The following PAXBP1 variants were observed in gnomAD, a reference collection of about 807,000 sequenced individuals.
PAXBP1 encodes PAX3- and PAX7-binding protein 1.
Under a neutral mutation model 119.9 loss-of-function variants are expected in PAXBP1, and 44 were observed. The ratio of observed to expected loss-of-function variants is 0.37; its 90% CI spans 0.29 to 0.47. The LOEUF (loss-of-function observed/expected upper bound fraction) is 0.47. Among genes scored for constraint, PAXBP1 ranks in the 20% least tolerant of loss-of-function variants. The pLI is 0.99. For missense variants in PAXBP1, 898 were observed against 1,134.1 expected (o/e 0.79, Z 2.99); for synonymous variants, 393 against 406.6 (o/e 0.97, Z 0.40).
At chr21:32,749,203 T>C (rs972559150) in intron 10 of PAXBP1, among the ~76,000 whole-genome samples, 21 of 152,072 alleles carry the variant, frequency 1.4e-4, no homozygotes, top group Non-Finnish European at 2.8e-4. Flanking sequence ...AAGATTTTTT[T>C]TTTTTTTTTG....
chr21:32,750,754 C>CA (rs1334628707), intron 10 of PAXBP1, among the ~76,000 whole-genome samples, 163 bp downstream of exon 10: 2 of 152,108 alleles, frequency 1.3e-5, no homozygotes, highest in African/African-American at 4.8e-5. Flanking sequence ...GAGAATTCAT[C>CA]ATGATATTCA....
At chr21:32,763,932 A>G (rs2044194637) in intron 3 of PAXBP1, among the ~76,000 whole-genome samples, 1 of 150,720 alleles carries the variant, frequency 6.6e-6, no homozygotes, top group Non-Finnish European at 1.5e-5. Flanking sequence ...GGGTGCAGTG[A>G]GCTGAGATCG....
chr21:32,737,421 AAG>A lies in PAXBP1; in HGVS notation c.2482-15_2482-14del. On this transcript the variant is annotated splice_polypyrimidine_tract_variant and intron_variant, in intron 16 of 17. Coordinates refer to ENST00000331923, the MANE Select transcript of PAXBP1 (RefSeq NM_016631.4). ...AACAATTGATTACCTGTGGAGAAGA[AAG>A]ACGTAAAATAAAATAGTTAAGACAG... 1 of 1,589,172 alleles carries A rather than the reference AAG, an allele frequency of 6.3e-7. No individual in the cohort carries two copies. The highest frequency in any genetic ancestry group is 8.6e-7 in the Non-Finnish European group (1 of 1,168,478).
intron 11 of PAXBP1, 26 bp from the exon 12 acceptor site, chr21:32,745,744 A>T: frequency 6.2e-7 from 1 of 1,612,210 alleles, no homozygotes; most frequent in South Asian, 1.1e-5. Context: ...AAGGTTACCC[A>T]AATACTAAAA....
chr21:32,751,243 T>C (rs914511225), intron 8 of PAXBP1, 25 bp from the exon 9 acceptor site: 1 of 1,605,098 alleles, frequency 6.2e-7, no homozygotes, highest in African/African-American at 1.3e-5. Context: ...CAGTTAAAAT[T>C]AAAAGCCATC....
At chr21:32,738,459 T>C in intron 15 of PAXBP1, 140 bp from the exon 16 acceptor site, 1 of 672,718 alleles carries the variant, frequency 1.5e-6, no homozygotes, top group Non-Finnish European at 2.4e-6. Context: ...CTTTCAAAGG[T>C]ACAGATATTT....
chr21:32,753,875 C>T (rs191300813), intron 8 of PAXBP1, among the ~76,000 whole-genome samples: 2 of 152,150 alleles, frequency 1.3e-5, no homozygotes, highest in African/African-American at 2.4e-5. Flanking sequence ...ATGAAATGTA[C>T]AGCTCACACA....
At chr21:32,738,748 C>A (rs1359328976) in intron 15 of PAXBP1, among the ~76,000 whole-genome samples, 1 of 152,040 alleles carries the variant, frequency 6.6e-6, no homozygotes, top group Non-Finnish European at 1.5e-5. Flanking sequence ...TGAACTACAA[C>A]CAAGTTATAT....
At chr21:32,770,619 G>T (rs2044322809) in intron 1 of PAXBP1, among the ~76,000 whole-genome samples, 1 of 152,200 alleles carries the variant, frequency 6.6e-6, no homozygotes, top group Admixed American at 6.5e-5. Flanking sequence ...CAAATGGTCA[G>T]AAGAAAAGAT....
At chr21:32,763,994 C>CAAAAAAAA (rs5843566) in intron 3 of PAXBP1, among the ~76,000 whole-genome samples, 4 of 101,724 alleles carry the variant, frequency 3.9e-5, no homozygotes, top group Non-Finnish European at 4.2e-5. Flanking sequence ...CCTCAAAAAG[C>CAAAAAAAA]AAAAAAAAAA....
chr21:32,759,538 A>G, intron 6 of PAXBP1: 1 of 603,104 alleles, frequency 1.7e-6, no homozygotes, highest in Non-Finnish European at 2.9e-6. Flanking sequence ...AAGAGGTACA[A>G]ACTCAGAAAT....
At chr21:32,760,298 C>T (rs908675960) in intron 5 of PAXBP1, among the ~76,000 whole-genome samples, 4 of 152,118 alleles carry the variant, frequency 2.6e-5, no homozygotes, top group Non-Finnish European at 4.4e-5. Flanking sequence ...TGCCCATGGT[C>T]ACAGAATCAA....
At chr21:32,737,576 C>T (rs2043710707) in intron 16 of PAXBP1, 168 bp from the exon 17 acceptor site, 1 of 529,374 alleles carries the variant, frequency 1.9e-6, no homozygotes, top group South Asian at 3.6e-5. Flanking sequence ...CCTACATTAA[C>T]TAAACCAATA....
intron 15 of PAXBP1, among the ~76,000 whole-genome samples, chr21:32,742,037 A>C (rs1444207770): frequency 1.3e-5 from 2 of 152,148 alleles, no homozygotes; most frequent in Non-Finnish European, 2.9e-5. Context: ...CCTATCATGT[A>C]ATTCCCTTCT....
At chr21:32,741,455 A>G (rs1303057089) in intron 15 of PAXBP1, 1 of 680,274 alleles carries the variant, frequency 1.5e-6, no homozygotes, top group Non-Finnish European at 2.7e-6. Context: ...AGGTTTAACG[A>G]AATATGTACA....
At chr21:32,743,432 C>A in intron 14 of PAXBP1, 118 bp from the exon 15 acceptor site, 1 of 751,514 alleles carries the variant, frequency 1.3e-6, no homozygotes, top group Non-Finnish European at 2.1e-6. Flanking sequence ...TTTAATTTTT[C>A]AAATAATTGC....
At chr21:32,759,000 T>TATA (rs2044090551) in intron 7 of PAXBP1, 80 bp downstream of exon 7, 1 of 1,361,686 alleles carries the variant, frequency 7.3e-7, no homozygotes, top group Non-Finnish European at 1.0e-6. Context: ...TTCTGAGAAT[T>TATA]ATAGAATGTT....
chr21:32,751,322 C>T (rs534546839), intron 8 of PAXBP1, 104 bp from the exon 9 acceptor site: 73 of 994,006 alleles, frequency 7.3e-5, no homozygotes, highest in South Asian at 9.4e-5. Context: ...CTAATCTCAA[C>T]GGCAAGATTC....
At chr21:32,750,849 A>G in intron 10 of PAXBP1, 68 bp downstream of exon 10, 1 of 1,154,456 alleles carries the variant, frequency 8.7e-7, no homozygotes, top group South Asian at 1.4e-5. Context: ...AAATCATTTC[A>G]TGGTAAAAAC....
Sources: gnomAD v4.1 joint callset for allele counts (sites outside exome capture counted in the v4.1 genomes callset) on GRCh38, gnomAD v4.1.1 for gene constraint, MANE v1.5 for transcripts, NCBI Gene and HGNC (gene_info 2026-07-23, HGNC 2026-07-21) for gene names.